Variants in GRAMD1A observed in about 807,000 individuals in gnomAD.
GRAMD1A encodes the protein protein Aster-A.
Under a neutral mutation model 92.0 loss-of-function variants are expected in GRAMD1A, and 50 were observed. The observed-to-expected ratio is 0.54, with a 90% CI of 0.43 to 0.69. The LOEUF (loss-of-function observed/expected upper bound fraction) is 0.69. Among genes scored for constraint, GRAMD1A ranks in the 30% least tolerant of loss-of-function variants. The probability of loss-of-function intolerance (pLI) is 0.00; values close to 1 mark genes in which losing one functional copy is unlikely to be tolerated. For synonymous variants in GRAMD1A, 405 were observed against 403.6 expected (o/e 1.00, Z -0.04); for missense variants, 819 against 978.9 (o/e 0.84, Z 2.18).
At chr19:35,008,941 G>C (rs1477671244) in intron 1 of GRAMD1A, among the ~76,000 whole-genome samples, 178 bp from the exon 2 acceptor site, 1 of 152,214 alleles carries the variant, frequency 6.6e-6, no homozygotes, top group African/African-American at 2.4e-5. Flanking sequence ...TGAAGTAACC[G>C]TAGCACAGAG....
At chr19:35,012,337 A>G (rs1475067163) in intron 7 of GRAMD1A, among the ~76,000 whole-genome samples, 2 of 151,882 alleles carry the variant, frequency 1.3e-5, no homozygotes, top group Non-Finnish European at 2.9e-5. Flanking sequence ...TGAGGTTAGC[A>G]CCTACTTTCC....
chr19:35,003,964 T>A (rs2014607742), intron 1 of GRAMD1A, among the ~76,000 whole-genome samples: 1 of 152,244 alleles, frequency 6.6e-6, no homozygotes, highest in Non-Finnish European at 1.5e-5. Flanking sequence ...CAGTGGCTCA[T>A]GCCTGTAATC....
At position 35,013,444 on chromosome 19, in the gene GRAMD1A, T is replaced by TG. The variant is rs2015393426; in HGVS notation, c.719+82dup. On this transcript the variant is annotated intron_variant, in intron 8 of 19. Coordinates refer to ENST00000317991, the MANE Select transcript of GRAMD1A (RefSeq NM_020895.5). This position sits in a 1 kb window ranked among gnomAD's most constrained non-coding sequence, Gnocchi z 4.9. ...TCGGCGTGCAGAGTTCCTGGAGTGC[T>TG]GGGGGGCCTGAGATGGTTGTATGAC... 3 of 1,524,150 alleles carry TG rather than the reference T, an allele frequency of 2.0e-6. No individual in the cohort carries two copies. The highest frequency in any genetic ancestry group is 1.8e-6 in the Non-Finnish European group (2 of 1,103,474). 94.4% of individuals were successfully genotyped at this position (1,524,150 alleles called of 1,614,324 possible).
chr19:35,014,685 A>G, intron 10 of GRAMD1A: 1 of 466,524 alleles, frequency 2.1e-6, no homozygotes, highest in Non-Finnish European at 3.9e-6. Flanking sequence ...TCCTCTGAAA[A>G]TGGGGTTAAC....
chr19:35,025,673 AG>A (rs960652466), intron 19 of GRAMD1A, among the ~76,000 whole-genome samples: 21 of 152,192 alleles, frequency 1.4e-4, no homozygotes, highest in African/African-American at 4.8e-4. Context: ...AGTGTACACC[AG>A]GTTCTCAGTG....
chr19:35,004,266 CAG>C (rs2014635186), intron 1 of GRAMD1A, among the ~76,000 whole-genome samples: 1 of 151,994 alleles, frequency 6.6e-6, no homozygotes, highest in Non-Finnish European at 1.5e-5. Flanking sequence ...GCCTGGGTGA[CAG>C]AGTGTGACCG....
chr19:35,026,171 A>C lies in GRAMD1A; in HGVS notation c.*30A>C. On this transcript the variant is annotated 3_prime_UTR_variant, in exon 20 of 20. Coordinates refer to ENST00000317991, the MANE Select transcript of GRAMD1A (RefSeq NM_020895.5). ...CCCGGCCACGCAGCTGTTCCCCCAC[A>C]TGGACAGATGGACACACAGAGCCTC... 4.7e-6 allele frequency: 5 copies of C among 1,054,104 alleles called. No homozygotes were observed. The highest frequency in any genetic ancestry group is 7.5e-6 in the Non-Finnish European group (5 of 670,952). The allele number at this position is 1,054,104 out of a possible 1,614,324, so 65.3% of individuals were successfully genotyped here.
chr19:35,004,700 G>C (rs1237621775), intron 1 of GRAMD1A, among the ~76,000 whole-genome samples: 2 of 152,134 alleles, frequency 1.3e-5, no homozygotes, highest in African/African-American at 4.8e-5. Context: ...CGTAGTGCTT[G>C]TGAGGTCCCT....
At chr19:35,015,476 G>A (rs992756352) in intron 10 of GRAMD1A, 9 of 202,414 alleles carry the variant, frequency 4.4e-5, no homozygotes, top group African/African-American at 1.6e-4. Flanking sequence ...GTGGTTGATC[G>A]GATAGACCTG....
rs761616229 is a variant in GRAMD1A, at chr19:35,015,859, C to T, written c.1105C>T (p.Arg369Cys). 9.3e-6 allele frequency: 15 copies of T among 1,613,968 alleles called. No individual in the cohort carries two copies. Among genetic ancestry groups the T allele is most frequent in the East Asian group, 2.2e-5 (1 of 44,892 alleles). Residue 369 changes from arginine (R) to cysteine (C), a missense_variant, in exon 11 of 20, where the codon CGC (arginine) becomes TGC (cysteine). Physicochemically the swap from Arg to Cys is radical, Grantham distance 180. This residue lies in a region of GRAMD1A where 577 missense variants were observed against 674.6 expected (regional missense o/e 0.86). Coordinates refer to ENST00000317991, the MANE Select transcript of GRAMD1A (RefSeq NM_020895.5). ...LAALLPDLSGRLLINSVFHVG... is the reference protein window; with the variant it reads ...LAALLPDLSGCLLINSVFHVG... ...TGCCCTGCTTCCCGACCTCTCCGGC[C>T]GCCTCCTCATCAACTCTGTCTTCCA...
rs149370760 is a variant in GRAMD1A, at chr19:35,011,033, T to C, written c.526-441T>C. 1.3e-3 allele frequency among the ~76,000 whole-genome samples: 189 copies of C among 148,176 alleles called. 2 individuals are homozygous for C. The East Asian group carries it at 0.025, about 20-fold the overall frequency. On this transcript the variant is annotated intron_variant, in intron 6 of 19. Coordinates refer to ENST00000317991, the MANE Select transcript of GRAMD1A (RefSeq NM_020895.5). ...AGGAGGATGGCTTGAGCCCAGGAGG[T>C]TGAGGCTGCAGTGAGCCGTGATCAT... is the stretch of plus-strand genomic sequence containing the variant.
rs1009019452 is a variant in GRAMD1A at position 35,022,836 on chromosome 19, G to C, written c.1842-64G>C. The C allele has an allele frequency of 3.2e-6, 5 of 1,554,414 alleles. No homozygotes were observed. The African/African-American group carries it at 4.1e-5, about 13-fold the overall frequency. Reference sequence around the variant, plus strand: ...GAGCTGCCCCGGGTGAGGAGGGCTGGGGGTGTCGGGGGCAGGCCAGGCGGC... The same window carrying C: ...GAGCTGCCCCGGGTGAGGAGGGCTGCGGGTGTCGGGGGCAGGCCAGGCGGC... On this transcript the variant is annotated intron_variant, in intron 16 of 19. Transcript: ENST00000317991.
chr19:35,005,806 A>T (rs2080442404), intron 1 of GRAMD1A: 1 of 453,990 alleles, frequency 2.2e-6, no homozygotes, highest in Non-Finnish European at 4.4e-6. Context: ...GTAGTCCAGG[A>T]TGGGAGCTGC....
At position 35,015,987 on chromosome 19, in the gene GRAMD1A, A is replaced by G. The variant is rs757548371; in HGVS notation, c.1213+20A>G. The G allele has an allele frequency of 1.9e-6, 3 of 1,609,374 alleles. No homozygotes were observed. The highest frequency in any genetic ancestry group is 1.7e-6 in the Non-Finnish European group (2 of 1,177,360). ...TCACAGGTCAGCGGGCGCATGAAGG[A>G]GAGGCTGAGGTTACCCAGGTGCAGG... On this transcript the variant is annotated intron_variant, in intron 11 of 19. Coordinates refer to ENST00000317991, the MANE Select transcript of GRAMD1A (RefSeq NM_020895.5).
chr19:35,019,552 C>G lies in GRAMD1A; in HGVS notation c.1475+19C>G. ...GGCTCCGGTGAGTGGTGGCTGGGCC[C>G]CTCCACCCGATGCCCTGGTGGCCCC... On this transcript the variant is annotated intron_variant, in intron 13 of 19. Transcript: ENST00000317991. The G allele has an allele frequency of 6.2e-7, 1 of 1,612,398 alleles. No individual in the cohort carries two copies. The highest frequency in any genetic ancestry group is 1.1e-5 in the South Asian group (1 of 91,036).
At chr19:35,020,099 T>A (rs2015940816) in intron 13 of GRAMD1A, among the ~76,000 whole-genome samples, 1 of 152,098 alleles carries the variant, frequency 6.6e-6, no homozygotes, top group Non-Finnish European at 1.5e-5. Context: ...GAGATTAAAG[T>A]GGTGAACCGG....
At chr19:35,017,848 A>G (rs2015754206) in intron 11 of GRAMD1A, among the ~76,000 whole-genome samples, 1 of 152,028 alleles carries the variant, frequency 6.6e-6, no homozygotes, top group Non-Finnish European at 1.5e-5. Context: ...GTTTTTATTT[A>G]TAGATATTTC....
Position 35,009,189 on chromosome 19 carries a change from C to A in GRAMD1A, c.79C>A (p.Pro27Thr). 1 of 1,613,782 alleles carries A rather than the reference C, an allele frequency of 6.2e-7. No homozygotes were observed. The highest frequency in any genetic ancestry group is 8.5e-7 in the Non-Finnish European group (1 of 1,179,674). The change falls in exon 2 of 20, where the codon CCC becomes ACC. Residue 27 changes from proline (P) to threonine (T), a missense_variant. By Grantham distance (38) the Pro-to-Thr change is conservative (BLOSUM62 -1). Transcript: ENST00000317991. ...GCTCCGGAAACGGCTGCAGCTCCTG[C>A]CCCCAAGCCGGCCCCCACCTGAGCC... ...PSLRKRLQLLPPSRPPPEPEP... is the reference protein window; with the variant it reads ...PSLRKRLQLLTPSRPPPEPEP...
rs1212360569 is a variant in GRAMD1A, at chr19:35,009,885, C to T, written c.241-3C>T. 6.3e-7 allele frequency: 1 copy of T among 1,597,444 alleles called. No homozygotes were observed. The highest frequency in any genetic ancestry group is 2.2e-5 in the East Asian group (1 of 44,806). On this transcript the variant is annotated splice_region_variant and splice_polypyrimidine_tract_variant and intron_variant, in intron 3 of 19. Transcript: ENST00000317991. ...CAGGTTCTCACCTCTCAAACTTCCT[C>T]AGATGCTGAGCCCCACTTATAAGCA...
Sources: allele counts gnomAD v4.1 joint callset (sites outside exome capture counted in the v4.1 genomes callset), GRCh38; gene constraint gnomAD v4.1.1; regional missense constraint gnomAD v4.1.1; non-coding constraint Gnocchi (gnomAD v3.1); transcripts MANE v1.5; gene names NCBI Gene and HGNC (gene_info 2026-07-23, HGNC 2026-07-21).